Variants in MED1 observed in about 807,000 individuals in gnomAD.
MED1 encodes mediator complex subunit 1, also known as mediator of RNA polymerase II transcription subunit 1.
A neutral mutation model predicts 121.3 loss-of-function variants in MED1; 17 were observed. That is an observed-to-expected ratio of 0.14 (90% CI 0.10 to 0.21). The LOEUF (loss-of-function observed/expected upper bound fraction) is 0.21. Among genes scored for constraint, MED1 ranks in the 10% least tolerant of loss-of-function variants. MED1 has a pLI of 1.00. For synonymous variants in MED1, 661 were observed against 694.4 expected (o/e 0.95, Z 0.76); for missense variants, 1,558 against 1,919.4 (o/e 0.81, Z 3.52).
intron 16 of MED1, among the ~76,000 whole-genome samples, chr17:39,411,593 G>A (rs2048356072): frequency 6.6e-6 from 1 of 152,176 alleles, no homozygotes; most frequent in African/African-American, 2.4e-5. Flanking sequence ...TTGCACGCCA[G>A]CCTTGGTGAC....
Position 39,423,449 on chromosome 17 carries a change from G to GA in MED1, c.977-5dup. On this transcript the variant is annotated splice_polypyrimidine_tract_variant and splice_region_variant and intron_variant, in intron 12 of 16. Coordinates refer to ENST00000300651, the MANE Select transcript of MED1 (RefSeq NM_004774.4). ...TGAGTTTCAAACAATGGAATTCCTGGAAAAACAAGAATCAATATAATGATC... is the reference window on the plus strand; with the variant it reads ...TGAGTTTCAAACAATGGAATTCCTGGAAAAAACAAGAATCAATATAATGATC... 1 of 1,590,064 alleles carries GA rather than the reference G, an allele frequency of 6.3e-7. No individual in the cohort carries two copies. Among genetic ancestry groups the GA allele is most frequent in the Admixed American group, 1.7e-5 (1 of 59,714 alleles).
intron 14 of MED1, among the ~76,000 whole-genome samples, chr17:39,418,716 G>A (rs1342807259): frequency 1.3e-5 from 2 of 152,046 alleles, no homozygotes; most frequent in East Asian, 1.9e-4. Context: ...ATGATTTGTG[G>A]AGTTTAGATT....
At position 39,406,167 on chromosome 17, in the gene MED1, A is replaced by T; in HGVS notation, c.*1308T>A. 1 of 985,564 alleles carries T rather than the reference A, an allele frequency of 1.0e-6. No individual in the cohort carries two copies. The highest frequency in any genetic ancestry group is 1.2e-6 in the Non-Finnish European group (1 of 829,930). 61.1% of individuals were successfully genotyped at this position (985,564 alleles called of 1,614,324 possible). A position where few individuals can be genotyped will look rare whatever the true frequency, so the allele number is the denominator to read the frequency against. On this transcript the variant is annotated 3_prime_UTR_variant, in exon 17 of 17. Transcript: ENST00000300651. ...CAGACTCAGACCTATTTCTCCAAAA[A>T]GGTCCAATTGGGTTGCTACATAGTA... is the stretch of plus-strand genomic sequence containing the variant.
chr17:39,427,777 G>T lies in MED1; in HGVS notation c.663C>A (p.Asn221Lys). The part of the protein sequence containing the change: ...LTPRSGGHLM[N>K]LKYYVSPSDL... Reference sequence around the variant, plus strand: ...CAGAAGGAGAGACATAGTACTTCAGGTTCATTAAATGACCTATAAAAAATA... The same window carrying T: ...CAGAAGGAGAGACATAGTACTTCAGTTTCATTAAATGACCTATAAAAAATA... The change falls in exon 10 of 17, where the codon AAC becomes AAA. Residue 221 changes from asparagine to lysine, a missense_variant. Transcript: ENST00000300651. 3 of 1,593,234 alleles carry T rather than the reference G, an allele frequency of 1.9e-6. No homozygotes were observed. Among genetic ancestry groups the T allele is most frequent in the Non-Finnish European group, 2.6e-6 (3 of 1,164,040 alleles).
At chr17:39,442,046 T>C (rs1374579861) in intron 3 of MED1, among the ~76,000 whole-genome samples, 2 of 148,492 alleles carry the variant, frequency 1.3e-5, no homozygotes, top group African/African-American at 5.0e-5. Flanking sequence ...GAGGTTGCAG[T>C]GAGCAGAGAT....
intron 9 of MED1, among the ~76,000 whole-genome samples, chr17:39,429,702 TAAAAAAAAAAA>T (rs757034804): frequency 2.0e-4 from 10 of 48,966 alleles, no homozygotes; most frequent in South Asian, 2.5e-3. Context: ...CCTAAATGCC[TAAAAAAAAAAA>T]AAAAAAAAAA....
intron 7 of MED1, among the ~76,000 whole-genome samples, chr17:39,432,708 C>T (rs573988014): frequency 6.7e-6 from 1 of 149,812 alleles, no homozygotes; most frequent in South Asian, 2.1e-4. Context: ...GAACCGAGAT[C>T]ATGCCATTGC....
Position 39,411,728 on chromosome 17 carries a change from A to C in MED1, c.1500-1007T>G, listed in dbSNP as rs974131192. 2.0e-5 allele frequency among the ~76,000 whole-genome samples: 3 copies of C among 147,976 alleles called. No individual in the cohort carries two copies. In the Admixed American group the frequency reaches 2.0e-4, roughly 10 times the overall value. ...CATTAGAAAAATCTCCGCCGGTCAG[A>C]GTGGCTCACGCCTGTAATCCCAGCA... is the stretch of plus-strand genomic sequence containing the variant. On this transcript the variant is annotated intron_variant, in intron 16 of 16. Coordinates refer to ENST00000300651, the MANE Select transcript of MED1 (RefSeq NM_004774.4).
chr17:39,427,589 A>G (rs1169413723), intron 10 of MED1, 112 bp downstream of exon 10: 1 of 689,970 alleles, frequency 1.4e-6, no homozygotes, highest in East Asian at 2.7e-5. Context: ...TGTTGTGTGT[A>G]TAAGGTGCAA....
At chr17:39,428,726 G>C (rs1216079224) in intron 9 of MED1, among the ~76,000 whole-genome samples, 1 of 152,064 alleles carries the variant, frequency 6.6e-6, no homozygotes, top group Non-Finnish European at 1.5e-5. Flanking sequence ...GCCAAGGTGG[G>C]CAGATCACGA....
In MED1 at chr17:39,421,848, G is replaced by T. The variant is rs112096265; in HGVS notation, c.1095+1479C>A. 4.3e-3 allele frequency among the ~76,000 whole-genome samples: 654 copies of T among 151,830 alleles called. 7 individuals carry two copies. The highest frequency in any genetic ancestry group is 0.015 in the African/African-American group (622 of 41,456). On this transcript the variant is annotated intron_variant, in intron 13 of 16. Coordinates refer to ENST00000300651, the MANE Select transcript of MED1 (RefSeq NM_004774.4). ...AATACCATTAAGAGTCTGTCACCCC[G>T]CCAGGCAAGGTGGCTCACGCCTGCA...
chr17:39,430,917 G>A (rs904141739), intron 9 of MED1, among the ~76,000 whole-genome samples, 198 bp downstream of exon 9: 3 of 151,968 alleles, frequency 2.0e-5, no homozygotes, highest in South Asian at 2.1e-4. Flanking sequence ...TACTCAGGAG[G>A]CTGAGGCATG....
In MED1 at chr17:39,423,817, G is replaced by T; in HGVS notation, c.856C>A (p.Pro286Thr). The T allele has an allele frequency of 6.2e-7, 1 of 1,602,544 alleles. No individual in the cohort carries two copies. The highest frequency in any genetic ancestry group is 8.5e-7 in the Non-Finnish European group (1 of 1,176,546). ...GCACTGGTGATTGAGGAGAAGGAAGGGGTCCTTCAAAAAAAAGAGGGTGGA... is the reference window on the plus strand; with the variant it reads ...GCACTGGTGATTGAGGAGAAGGAAGTGGTCCTTCAAAAAAAAGAGGGTGGA... Reference protein sequence around the residue: ...GSHPVDNKWTPSFSSITSANS... With the variant: ...GSHPVDNKWTTSFSSITSANS... The change falls in exon 12 of 17, where the codon CCT becomes ACT. Residue 286 changes from proline to threonine, a missense_variant. Physicochemically the swap from Pro to Thr is conservative, Grantham distance 38. This residue lies in a region of MED1 where 443 missense variants were observed against 532.4 expected (regional missense o/e 0.83). Coordinates refer to ENST00000300651, the MANE Select transcript of MED1 (RefSeq NM_004774.4).
At chr17:39,442,905 CA>C (rs751236293) in intron 3 of MED1, among the ~76,000 whole-genome samples, 2,321 of 17,348 alleles carry the variant, frequency 0.13, 9 homozygotes, top group African/African-American at 0.27. Flanking sequence ...AACTCCATCT[CA>C]AAAAAAAAAA....
At chr17:39,430,968 G>A (rs997667651) in intron 9 of MED1, 147 bp downstream of exon 9, 29 of 654,726 alleles carry the variant, frequency 4.4e-5, no homozygotes, top group African/African-American at 4.1e-4. Flanking sequence ...GCAGTAAGCC[G>A]AGATCATGCC....
At chr17:39,420,416 T>C (rs2048451303) in intron 13 of MED1, among the ~76,000 whole-genome samples, 3 of 151,740 alleles carry the variant, frequency 2.0e-5, no homozygotes, top group African/African-American at 7.3e-5. Context: ...TTAGCCAGGA[T>C]TGTCTCCATC....
intron 10 of MED1, among the ~76,000 whole-genome samples, chr17:39,425,253 T>C (rs1182324454): frequency 6.6e-6 from 1 of 151,976 alleles, no homozygotes; most frequent in East Asian, 1.9e-4. Flanking sequence ...TGCAGTGGTG[T>C]GATCTCGACT....
Position 39,440,812 on chromosome 17 carries a change from G to T in MED1, c.212-135C>A. The T allele has an allele frequency of 1.2e-6, 1 of 846,094 alleles. No individual in the cohort carries two copies. The highest frequency in any genetic ancestry group is 1.9e-6 in the Non-Finnish European group (1 of 532,690). The allele number at this position is 846,094 out of a possible 1,614,324, so 52.4% of individuals were successfully genotyped here. On this transcript the variant is annotated intron_variant, in intron 3 of 16. Transcript: ENST00000300651. The surrounding 1 kb of genome is among the most constrained non-coding windows in gnomAD (Gnocchi z 4.1). The stretch of plus-strand genomic sequence containing the variant: ...TTCAAATGCTTGTAATTTACATAAA[G>T]TTCACTGATTAGGGTTAGCTGTGGC...
chr17:39,445,847 G>A (rs1402440570), intron 2 of MED1, among the ~76,000 whole-genome samples: 2 of 151,744 alleles, frequency 1.3e-5, no homozygotes, highest in Non-Finnish European at 1.5e-5. Context: ...TGGCTAACAT[G>A]GTGAAACCCC....
Sources: gnomAD v4.1 joint callset for allele counts (sites outside exome capture counted in the v4.1 genomes callset) on GRCh38, gnomAD v4.1.1 for gene constraint, gnomAD v4.1.1 regional missense constraint, Gnocchi (gnomAD v3.1) non-coding constraint, MANE v1.5 for transcripts, NCBI Gene and HGNC (gene_info 2026-07-23, HGNC 2026-07-21) for gene names.